The following RPS6KA5 variants were observed in gnomAD, a reference collection of about 807,000 sequenced individuals.
RPS6KA5 encodes the protein ribosomal protein S6 kinase alpha-5.
A neutral mutation model predicts 85.5 loss-of-function variants in RPS6KA5; 27 were observed. The ratio of observed to expected loss-of-function variants is 0.32; its 90% CI spans 0.23 to 0.44. RPS6KA5 has a LOEUF of 0.44. RPS6KA5 is among the 20% of genes least tolerant of loss of function. The pLI is 1.00. For missense variants in RPS6KA5, 811 were observed against 980.9 expected (o/e 0.83, Z 2.31); for synonymous variants, 334 against 348.2 (o/e 0.96, Z 0.46).
At chr14:90,926,710 G>T (rs890330670) in intron 5 of RPS6KA5, among the ~76,000 whole-genome samples, 2 of 146,546 alleles carry the variant, frequency 1.4e-5, no homozygotes, top group African/African-American at 2.6e-5. Flanking sequence ...TATCTCACAG[G>T]TCCATTCCTA....
chr14:90,959,491 T>C (rs962856531), intron 3 of RPS6KA5, among the ~76,000 whole-genome samples: 2 of 152,216 alleles, frequency 1.3e-5, no homozygotes, highest in South Asian at 2.1e-4. Context: ...GTAGTAGTGA[T>C]AAGGACTCAG....
Position 90,853,681 on chromosome 14 carries a change from A to AT in RPS6KA5, c.*18392_*18393insA, listed in dbSNP as rs2032130223. 1 of 151,298 alleles carries AT rather than the reference A, an allele frequency of 6.6e-6. No individual in the cohort carries two copies. Among genetic ancestry groups the AT allele is most frequent in the Admixed American group, 6.6e-5 (1 of 15,156 alleles). The allele number at this position is 151,298 out of a possible 1,614,324, so 9.4% of individuals were successfully genotyped here. On this transcript the variant is annotated 3_prime_UTR_variant, in exon 17 of 17. Transcript: ENST00000614987. ...TCTACTAAAAATACAAAAAAAAAAA[A>AT]AAAAACCCTAAAATTTAACACTATG...
intron 14 of RPS6KA5, among the ~76,000 whole-genome samples, chr14:90,879,613 C>T (rs1469723376): frequency 1.3e-5 from 2 of 152,138 alleles, no homozygotes; most frequent in Admixed American, 6.5e-5. Context: ...TGATCAGCTG[C>T]ACTTGGTGAT....
intron 2 of RPS6KA5, among the ~76,000 whole-genome samples, chr14:90,995,741 C>G (rs955427614): frequency 2.6e-5 from 4 of 151,976 alleles, no homozygotes; most frequent in Admixed American, 6.5e-5. Context: ...GCATAGATAC[C>G]TGGCAAGAGT....
intron 1 of RPS6KA5, among the ~76,000 whole-genome samples, chr14:91,020,214 T>G (rs1215902382): frequency 6.6e-6 from 1 of 151,676 alleles, no homozygotes. Flanking sequence ...TGTGTGCATG[T>G]ACACGTGTGT....
At chr14:90,917,759 G>C (rs933247904) in intron 7 of RPS6KA5, among the ~76,000 whole-genome samples, 5 of 151,414 alleles carry the variant, frequency 3.3e-5, no homozygotes, top group African/African-American at 1.2e-4. Context: ...ATAGGGTCTT[G>C]CTACATTGCC....
intron 5 of RPS6KA5, among the ~76,000 whole-genome samples, chr14:90,932,416 A>T (rs1292068365): frequency 6.6e-6 from 1 of 152,188 alleles, no homozygotes; most frequent in African/African-American, 2.4e-5. Flanking sequence ...CTGGGATTAC[A>T]GGCATCAGCC....
intron 14 of RPS6KA5, among the ~76,000 whole-genome samples, chr14:90,885,741 C>CAAAAAAAAAAAAAAAAAA (rs11312699): frequency 1.1e-4 from 3 of 27,886 alleles, no homozygotes; most frequent in African/African-American, 3.5e-4. Context: ...GACTCCATCT[C>CAAAAAAAAAAAAAAAAAA]AAAAAAAAAA....
chr14:90,918,539 T>C (rs1445196549), intron 7 of RPS6KA5, among the ~76,000 whole-genome samples: 1 of 152,242 alleles, frequency 6.6e-6, no homozygotes, highest in Admixed American at 6.5e-5. Flanking sequence ...GTCCAATTTA[T>C]TAATGTTTTA....
At position 90,851,995 on chromosome 14, in the gene RPS6KA5, T is replaced by C. The variant is rs2032018583; in HGVS notation, c.*20079A>G. The stretch of plus-strand genomic sequence containing the variant: ...TTCGTTGATCTAAAGAAATAAACAG[T>C]ATTATTCAGTAATAGTCCTAGTATA... On this transcript the variant is annotated 3_prime_UTR_variant, in exon 17 of 17. Transcript: ENST00000614987. The C allele has an allele frequency of 6.6e-6, 1 of 152,034 alleles. No individual in the cohort carries two copies. The highest frequency in any genetic ancestry group is 2.1e-4 in the South Asian group (1 of 4,822). 9.4% of individuals were successfully genotyped at this position (152,034 alleles called of 1,614,324 possible).
intron 3 of RPS6KA5, among the ~76,000 whole-genome samples, chr14:90,969,303 A>G (rs1181178744): frequency 6.6e-6 from 1 of 152,204 alleles, no homozygotes; most frequent in Non-Finnish European, 1.5e-5. Flanking sequence ...TGACTTTCTA[A>G]GTACATACTG....
chr14:91,050,587 GC>G (rs2043038409), intron 1 of RPS6KA5, among the ~76,000 whole-genome samples: 1 of 151,810 alleles, frequency 6.6e-6, no homozygotes, highest in African/African-American at 2.4e-5. Context: ...TGCCACCATG[GC>G]TGGCTAATTT....
intron 6 of RPS6KA5, among the ~76,000 whole-genome samples, chr14:90,921,553 G>A (rs964999482): frequency 6.6e-6 from 1 of 152,158 alleles, no homozygotes; most frequent in African/African-American, 2.4e-5. Context: ...ATATCAAGAA[G>A]CAAACTAAGC....
At chr14:91,016,598 A>C (rs186291556) in intron 1 of RPS6KA5, among the ~76,000 whole-genome samples, 29 of 152,204 alleles carry the variant, frequency 1.9e-4, no homozygotes, top group African/African-American at 7.0e-4. Context: ...TTTGGATAAG[A>C]TCAATATTTA....
At chr14:91,056,036 G>T (rs964772210) in intron 1 of RPS6KA5, among the ~76,000 whole-genome samples, 2 of 152,128 alleles carry the variant, frequency 1.3e-5, no homozygotes, top group African/African-American at 4.8e-5. Context: ...TTAGAATCAA[G>T]AAGCTTCCTG....
At chr14:90,963,346 G>A (rs796116481) in intron 3 of RPS6KA5, among the ~76,000 whole-genome samples, 29 of 152,292 alleles carry the variant, frequency 1.9e-4, no homozygotes, top group African/African-American at 7.0e-4. Flanking sequence ...AGTCACTAAA[G>A]TGGAGTTTGC....
intron 3 of RPS6KA5, among the ~76,000 whole-genome samples, chr14:90,968,407 A>G (rs1432239299): frequency 6.6e-6 from 1 of 152,156 alleles, no homozygotes; most frequent in Non-Finnish European, 1.5e-5. Context: ...AGTGGTCTTA[A>G]TTTCATCTGT....
At position 90,906,138 on chromosome 14, in the gene RPS6KA5, A is replaced by G; in HGVS notation, c.957+11T>C. 1.3e-6 allele frequency: 2 copies of G among 1,586,064 alleles called. No homozygotes were observed. The highest frequency in any genetic ancestry group is 1.7e-6 in the Non-Finnish European group (2 of 1,160,144). ...GGAGTATGAAACCATTTATCTATTC[A>G]ATAATTTCACCTGAAAGAAGAGATG... is the stretch of plus-strand genomic sequence containing the variant. On this transcript the variant is annotated intron_variant, in intron 8 of 16. Transcript: ENST00000614987.
At chr14:90,887,945 CAAAAAA>C (rs34947711) in intron 14 of RPS6KA5, among the ~76,000 whole-genome samples, 6 of 42,760 alleles carry the variant, frequency 1.4e-4, no homozygotes, top group East Asian at 2.3e-3. Flanking sequence ...GAGGCTATCG[CAAAAAA>C]AAAAAAAAAA....
Sources: gnomAD v4.1 joint callset for allele counts (sites outside exome capture counted in the v4.1 genomes callset) on GRCh38, gnomAD v4.1.1 for gene constraint, MANE v1.5 for transcripts, NCBI Gene and HGNC (gene_info 2026-07-23, HGNC 2026-07-21) for gene names.